Variants in NCOA1 observed in about 807,000 individuals in gnomAD.
The protein encoded by NCOA1 is Hin-2 protein.
In NCOA1, 35 loss-of-function variants were observed where a neutral mutation model predicts 150.9. That is an observed-to-expected ratio of 0.23 (90% CI 0.18 to 0.31). The LOEUF is 0.31. NCOA1 is among the 10% of genes least tolerant of loss of function. NCOA1 has a pLI of 1.00. For synonymous variants in NCOA1, 590 were observed against 630.0 expected, an observed-to-expected ratio of 0.94 and a Z score of 0.95; for missense variants, 1,491 against 1,749.3, an observed-to-expected ratio of 0.85 and a Z score of 2.63.
chr2:24,642,040 G>A (rs966164006), intron 3 of NCOA1, among the ~76,000 whole-genome samples: 11 of 150,602 alleles, frequency 7.3e-5, no homozygotes, highest in African/African-American at 1.5e-4. Flanking sequence ...GTGTGTGTGC[G>A]CGCGTGCGTA....
At chr2:24,631,805 G>A (rs1029150831) in intron 3 of NCOA1, among the ~76,000 whole-genome samples, 2 of 152,120 alleles carry the variant, frequency 1.3e-5, no homozygotes, top group South Asian at 2.1e-4. Context: ...CCAATGAACT[G>A]TTGCATAGGC....
At position 24,599,466 on chromosome 2, in the gene NCOA1, T is replaced by C. The variant is rs184479404; in HGVS notation, c.-175+14906T>C. Among the ~76,000 whole-genome samples the C allele has an allele frequency of 1.7e-3, 261 of 152,314 alleles. 3 individuals carry two copies. The highest frequency in any genetic ancestry group is 4.1e-3 in the Admixed American group (63 of 15,300). On this transcript the variant is annotated intron_variant, in intron 3 of 22. Coordinates refer to ENST00000348332, the MANE Select transcript of NCOA1 (RefSeq NM_003743.5). ...TCTACTGTGACAAAGCAACAAAAAC[T>C]GTAGCAGTTTAAAGTGGGAAGGTAT...
At chr2:24,602,705 T>A (rs1333399089) in intron 3 of NCOA1, among the ~76,000 whole-genome samples, 1 of 152,086 alleles carries the variant, frequency 6.6e-6, no homozygotes, top group Non-Finnish European at 1.5e-5. Context: ...ATTCTCCAAT[T>A]TCTTTAATCA....
intron 5 of NCOA1, among the ~76,000 whole-genome samples, chr2:24,659,722 C>G (rs1286217613): frequency 6.6e-6 from 1 of 152,168 alleles, no homozygotes; most frequent in Non-Finnish European, 1.5e-5. Context: ...AAACTCCACA[C>G]TATTGACATT....
rs547520242 is a variant in NCOA1, at chr2:24,640,408, G to A, written c.-174-3558G>A. Among the ~76,000 whole-genome samples, 20 of 152,214 alleles carry A rather than the reference G, an allele frequency of 1.3e-4. No homozygotes were observed. In the South Asian group the frequency reaches 2.9e-3, roughly 22 times the overall value. On this transcript the variant is annotated intron_variant, in intron 3 of 22. Transcript: ENST00000348332. Reference sequence around the variant, plus strand: ...AAATCTAGTTGTTTTATCTATTATTGAGAGAGGAATGTTAAAATCTTCAAT... The same window carrying A: ...AAATCTAGTTGTTTTATCTATTATTAAGAGAGGAATGTTAAAATCTTCAAT...
Position 24,613,082 on chromosome 2 carries a change from A to AT in NCOA1, c.-175+28532dup, listed in dbSNP as rs915656133. On this transcript the variant is annotated intron_variant, in intron 3 of 22. Transcript: ENST00000348332. The stretch of plus-strand genomic sequence containing the variant: ...CTTTTTTTGTTCCTGTCCCTGTAAT[A>AT]TTTTTTTTTTCTTTCCCTTTCCATT... 3.1e-4 allele frequency among the ~76,000 whole-genome samples: 46 copies of AT among 149,180 alleles called. No homozygotes were observed. In the South Asian group the frequency reaches 5.5e-3, roughly 18 times the overall value.
intron 2 of NCOA1, among the ~76,000 whole-genome samples, chr2:24,573,581 T>A (rs1666825777): frequency 6.6e-6 from 1 of 152,142 alleles, no homozygotes. Flanking sequence ...TAGTTATTTA[T>A]GAAGCTTATA....
At chr2:24,511,456 G>T (rs62140844) in intron 1 of NCOA1, among the ~76,000 whole-genome samples, 28,486 of 152,098 alleles carry the variant, frequency 0.19, 2,847 homozygotes, top group Non-Finnish European at 0.23. Context: ...CACTATAATT[G>T]TTGATTTGCA....
chr2:24,707,413 CTGA>C lies in NCOA1; in HGVS notation c.1945_1947del (p.Asp649del). Reference sequence around the variant, plus strand: ...ACTGCCGAACAGCAGTTACGGCATGCTGATATAGACACAAGCTGCAAAGATGTC... The same window carrying C: ...ACTGCCGAACAGCAGTTACGGCATGCTATAGACACAAGCTGCAAAGATGTC... On this transcript the variant is annotated inframe_deletion, in exon 13 of 23. Transcript: ENST00000348332. 1 of 1,614,210 alleles carries C rather than the reference CTGA, an allele frequency of 6.2e-7. No individual in the cohort carries two copies. Among genetic ancestry groups the C allele is most frequent in the Non-Finnish European group, 8.5e-7 (1 of 1,180,032 alleles).
At chr2:24,714,796 A>G (rs56374181) in intron 14 of NCOA1, among the ~76,000 whole-genome samples, 4,169 of 152,104 alleles carry the variant, frequency 0.027, 60 homozygotes, top group African/African-American at 0.04. Context: ...CAGCCAAAAT[A>G]TTTACAAATT....
At chr2:24,706,468 A>G in intron 12 of NCOA1, 100 bp from the exon 13 acceptor site, 1 of 1,326,460 alleles carries the variant, frequency 7.5e-7, no homozygotes, top group Non-Finnish European at 1.0e-6. Context: ...AGCTTGCAAT[A>G]TTAATGAGAT....
Position 24,519,652 on chromosome 2 carries a change from C to CAAAAAAAAAA in NCOA1, c.-396+28060_-396+28069dup, listed in dbSNP as rs1014874055. Among the ~76,000 whole-genome samples the CAAAAAAAAAA allele has an allele frequency of 3.7e-3, 268 of 72,266 alleles. 6 individuals carry two copies. In the East Asian group the frequency reaches 0.038, roughly 10 times the overall value. 47.4% of individuals were successfully genotyped at this position (72,266 alleles called of 152,430 possible). A position where few individuals can be genotyped will look rare whatever the true frequency, so the allele number is the denominator to read the frequency against. ...CTGGGCAGCAAAGGCCCTGTCTCTACAAAAAAAAAAAAAAAAAAATTAGCT... is the reference window on the plus strand; with the variant it reads ...CTGGGCAGCAAAGGCCCTGTCTCTACAAAAAAAAAAAAAAAAAAAAAAAAAAAAATTAGCT... On this transcript the variant is annotated intron_variant, in intron 1 of 22. Transcript: ENST00000348332.
At chr2:24,725,387 C>T (rs1482571568) in intron 14 of NCOA1, among the ~76,000 whole-genome samples, 2 of 152,018 alleles carry the variant, frequency 1.3e-5, no homozygotes, top group Non-Finnish European at 2.9e-5. Flanking sequence ...TTGGAGATGG[C>T]CCTCTTCTCT....
chr2:24,727,327 A>T, intron 15 of NCOA1, among the ~76,000 whole-genome samples: 1 of 152,154 alleles, frequency 6.6e-6, no homozygotes, highest in Admixed American at 6.6e-5. Flanking sequence ...TCTGGGACCT[A>T]TGGATGAATT....
chr2:24,660,265 G>A (rs1550384), intron 5 of NCOA1, among the ~76,000 whole-genome samples: 46,804 of 151,732 alleles, frequency 0.31, 8,973 homozygotes, highest in East Asian at 0.53. Context: ...TTTTTGTTTG[G>A]GGAAATTTTT....
chr2:24,723,774 G>T (rs1203885675), intron 14 of NCOA1, among the ~76,000 whole-genome samples: 1 of 151,930 alleles, frequency 6.6e-6, no homozygotes, highest in African/African-American at 2.4e-5. Context: ...TTAGAAAAAT[G>T]AGTTCTTTGT....
intron 1 of NCOA1, among the ~76,000 whole-genome samples, chr2:24,527,321 T>G (rs779004475): frequency 1.3e-5 from 2 of 152,196 alleles, no homozygotes; most frequent in African/African-American, 2.4e-5. Flanking sequence ...TCCAGTTTCC[T>G]ACACCAACCC....
chr2:24,661,473 A>T (rs552201684), intron 5 of NCOA1, among the ~76,000 whole-genome samples: 183 of 152,232 alleles, frequency 1.2e-3, no homozygotes, highest in African/African-American at 4.0e-3. Flanking sequence ...AACATTATTT[A>T]TGATGTCTCT....
intron 10 of NCOA1, among the ~76,000 whole-genome samples, chr2:24,694,353 A>G (rs913727047): frequency 6.6e-6 from 1 of 152,340 alleles, no homozygotes; most frequent in South Asian, 2.1e-4. Flanking sequence ...AAATAGAGAT[A>G]AATATTAAAG....
Sources: allele counts gnomAD v4.1 joint callset (sites outside exome capture counted in the v4.1 genomes callset), GRCh38; gene constraint gnomAD v4.1.1; transcripts MANE v1.5; gene names NCBI Gene and HGNC (gene_info 2026-07-23, HGNC 2026-07-21).